Variants in RERE observed in about 807,000 individuals in gnomAD.
RERE encodes the protein arginine-glutamic acid dipeptide repeats protein.
A neutral mutation model predicts 146.1 loss-of-function variants in RERE; 40 were observed. The observed-to-expected ratio is 0.27, with a 90% CI of 0.21 to 0.36. The LOEUF (loss-of-function observed/expected upper bound fraction) is 0.36, where lower values mean the gene tolerates loss of function less well. Ranked by LOEUF, RERE falls within the 10% of genes least tolerant of loss-of-function variation. The probability of loss-of-function intolerance (pLI) is 1.00; values close to 1 mark genes in which losing one functional copy is unlikely to be tolerated. For missense variants in RERE, 1,933 were observed against 2,138.7 expected, an observed-to-expected ratio of 0.90 and a Z score of 1.90; for synonymous variants, 1,003 against 866.0, an observed-to-expected ratio of 1.16 and a Z score of -2.78.
intron 1 of RERE, among the ~76,000 whole-genome samples, chr1:8,677,715 G>A (rs1217592766): frequency 6.6e-6 from 1 of 152,094 alleles, no homozygotes; most frequent in Admixed American, 6.6e-5. Context: ...CTAGACTTCA[G>A]TTTCTTCACT....
intron 10 of RERE, among the ~76,000 whole-genome samples, chr1:8,492,869 C>G (rs1644996402): frequency 6.6e-6 from 1 of 151,842 alleles, no homozygotes; most frequent in African/African-American, 2.4e-5. Context: ...AAGACTGTGT[C>G]ACTGTACTCC....
chr1:8,505,703 G>C (rs1388586536), intron 8 of RERE, among the ~76,000 whole-genome samples: 1 of 152,012 alleles, frequency 6.6e-6, no homozygotes, highest in Non-Finnish European at 1.5e-5. Flanking sequence ...CCTAATTTTT[G>C]TATTTTTTGT....
intron 7 of RERE, among the ~76,000 whole-genome samples, chr1:8,509,667 G>A (rs1244117849): frequency 1.3e-5 from 2 of 152,150 alleles, no homozygotes; most frequent in Non-Finnish European, 1.5e-5. Flanking sequence ...AATCAGCTGG[G>A]CATGGTGGCG....
intron 10 of RERE, among the ~76,000 whole-genome samples, chr1:8,474,964 G>A (rs1178960900): frequency 6.6e-6 from 1 of 151,926 alleles, no homozygotes; most frequent in Non-Finnish European, 1.5e-5. Flanking sequence ...AAATAACTGA[G>A]AAAGGAAAAA....
chr1:8,756,637 T>C (rs1640643848), intron 1 of RERE, among the ~76,000 whole-genome samples: 2 of 152,232 alleles, frequency 1.3e-5, no homozygotes, highest in African/African-American at 4.8e-5. Flanking sequence ...CTTTCTAAAA[T>C]ATTAGTCTGC....
chr1:8,624,511 A>T (rs1420008601), intron 2 of RERE, 131 bp from the exon 3 acceptor site: 5 of 595,950 alleles, frequency 8.4e-6, no homozygotes, highest in Non-Finnish European at 1.4e-5. Context: ...TTTCCAAAAG[A>T]TGATATTAAA....
chr1:8,638,742 A>G (rs1369486688), intron 2 of RERE, among the ~76,000 whole-genome samples: 2 of 151,992 alleles, frequency 1.3e-5, no homozygotes, highest in African/African-American at 4.8e-5. Context: ...TTTGTTCACC[A>G]AAAAGGGAAA....
At chr1:8,395,671 G>T (rs1382561769) in intron 12 of RERE, among the ~76,000 whole-genome samples, 1 of 152,116 alleles carries the variant, frequency 6.6e-6, no homozygotes, top group East Asian at 1.9e-4. Context: ...AACCTGTGTG[G>T]ACCTTTTTGT....
At chr1:8,715,457 G>T (rs922747157) in intron 1 of RERE, among the ~76,000 whole-genome samples, 6 of 152,020 alleles carry the variant, frequency 3.9e-5, no homozygotes, top group African/African-American at 1.4e-4. Flanking sequence ...GTTTTGGTAA[G>T]CCGAGATTGC....
intron 12 of RERE, among the ~76,000 whole-genome samples, chr1:8,371,967 G>A (rs922321093): frequency 1.3e-5 from 2 of 152,202 alleles, no homozygotes; most frequent in Non-Finnish European, 2.9e-5. Context: ...CAACTTACCT[G>A]TGCGCATTTG....
chr1:8,741,862 A>G (rs1177394106), intron 1 of RERE, among the ~76,000 whole-genome samples: 3 of 152,218 alleles, frequency 2.0e-5, no homozygotes, highest in Non-Finnish European at 4.4e-5. Context: ...ATCAGTGTAC[A>G]TGCAATAAAA....
At chr1:8,489,011 T>C (rs1314381057) in intron 10 of RERE, among the ~76,000 whole-genome samples, 4 of 152,144 alleles carry the variant, frequency 2.6e-5, no homozygotes, top group Non-Finnish European at 4.4e-5. Context: ...TAATGACTTA[T>C]TAAGCTTCAG....
intron 12 of RERE, among the ~76,000 whole-genome samples, chr1:8,373,424 T>A (rs1234605049): frequency 2.0e-5 from 3 of 152,120 alleles, no homozygotes; most frequent in Non-Finnish European, 4.4e-5. Flanking sequence ...CTTACTGAAG[T>A]GGAGAGATCT....
At chr1:8,499,600 G>A (rs12759741) in intron 8 of RERE, among the ~76,000 whole-genome samples, 46,984 of 152,150 alleles carry the variant, frequency 0.31, 7,733 homozygotes, top group Non-Finnish European at 0.36. Context: ...AAGTTTTTGA[G>A]GCAACTGCAT....
chr1:8,729,921 TA>T (rs559335129), intron 1 of RERE, among the ~76,000 whole-genome samples: 1 of 152,310 alleles, frequency 6.6e-6, no homozygotes, highest in South Asian at 2.1e-4. Context: ...TTCAGGTATT[TA>T]AAAAATCTTA....
chr1:8,656,843 C>T (rs368516532), intron 1 of RERE, among the ~76,000 whole-genome samples: 2,320 of 152,266 alleles, frequency 0.015, 61 homozygotes, highest in African/African-American at 0.053. Context: ...CCAGGCACTG[C>T]GGCTCATGCC....
At chr1:8,791,974 T>C (rs1459875276) in intron 1 of RERE, among the ~76,000 whole-genome samples, 2 of 152,106 alleles carry the variant, frequency 1.3e-5, no homozygotes, top group Admixed American at 1.3e-4. Context: ...ACACCTGTAA[T>C]CCTAATACTT....
At chr1:8,456,332 A>T (rs552082895) in intron 11 of RERE, among the ~76,000 whole-genome samples, 2 of 152,300 alleles carry the variant, frequency 1.3e-5, no homozygotes, top group African/African-American at 4.8e-5. Context: ...GAGGTAGAGC[A>T]GGTACACTTT....
chr1:8,721,318 T>G (rs549873940), intron 1 of RERE, among the ~76,000 whole-genome samples: 3 of 152,204 alleles, frequency 2.0e-5, no homozygotes, highest in African/African-American at 7.2e-5. Flanking sequence ...GACTTTTTTA[T>G]TATTATTTTT....
Sources: allele counts gnomAD v4.1 joint callset (sites outside exome capture counted in the v4.1 genomes callset), GRCh38; gene constraint gnomAD v4.1.1; transcripts MANE v1.5; gene names NCBI Gene and HGNC (gene_info 2026-07-23, HGNC 2026-07-21).